PLCG2: variants seen among roughly 807,000 people sequenced by gnomAD.
PLCG2 encodes the protein phospholipase C gamma 2, also known as 1-phosphatidylinositol 4,5-bisphosphate phosphodiesterase gamma-2.
PLCG2 carries 69 observed loss-of-function variants against 175.6 expected under a neutral mutation model. The ratio of observed to expected loss-of-function variants is 0.39; its 90% CI spans 0.32 to 0.48. PLCG2 has a LOEUF of 0.48. PLCG2 is among the 20% of genes least tolerant of loss of function. The pLI, the probability that PLCG2 is intolerant of heterozygous loss-of-function variation, is 0.91. For missense variants in PLCG2, 1,798 were observed against 1,650.9 expected, an observed-to-expected ratio of 1.09 and a Z score of -1.54; for synonymous variants, 827 against 624.0, an observed-to-expected ratio of 1.33 and a Z score of -4.85.
At chr16:81,812,014 C>A (rs1279060385) in intron 2 of PLCG2, among the ~76,000 whole-genome samples, 1 of 150,714 alleles carries the variant, frequency 6.6e-6, no homozygotes, top group Non-Finnish European at 1.5e-5. Context: ...TATTTCTCTA[C>A]ATCCTCTCCA....
intron 2 of PLCG2, among the ~76,000 whole-genome samples, chr16:81,850,307 A>G (rs72832071): frequency 0.032 from 4,857 of 152,300 alleles, 96 homozygotes; most frequent in African/African-American, 0.048. Context: ...TTGGGGTGCA[A>G]CATCATGAAG....
chr16:81,795,214 G>T (rs147245934), intron 2 of PLCG2, among the ~76,000 whole-genome samples: 1,897 of 152,290 alleles, frequency 0.012, 15 homozygotes, highest in Non-Finnish European at 0.018. Flanking sequence ...AATCATGTTG[G>T]ATCGTGATAG....
intron 23 of PLCG2, 62 bp downstream of exon 23, chr16:81,927,240 G>A: frequency 8.8e-7 from 1 of 1,135,354 alleles, no homozygotes; most frequent in Admixed American, 1.7e-5. Flanking sequence ...GTTTTTCAGG[G>A]AGCTGTGCCA....
chr16:81,829,033 CA>C (rs1222661631), intron 2 of PLCG2, among the ~76,000 whole-genome samples: 1 of 152,194 alleles, frequency 6.6e-6, no homozygotes, highest in Admixed American at 6.5e-5. Flanking sequence ...TTAATGATGA[CA>C]AGGACTGCCC....
At chr16:81,902,696 C>T (rs1258758811) in intron 14 of PLCG2, among the ~76,000 whole-genome samples, 1 of 152,076 alleles carries the variant, frequency 6.6e-6, no homozygotes, top group African/African-American at 2.4e-5. Flanking sequence ...CCCTCATGAC[C>T]TAATCACCTT....
intron 2 of PLCG2, among the ~76,000 whole-genome samples, chr16:81,846,610 C>T (rs193171238): frequency 1.1e-3 from 160 of 152,308 alleles, no homozygotes; most frequent in African/African-American, 3.6e-3. Context: ...AGCAGAACAT[C>T]GGGCTTATGG....
At chr16:81,954,009 T>C (rs1911468377) in intron 31 of PLCG2, among the ~76,000 whole-genome samples, 1 of 152,184 alleles carries the variant, frequency 6.6e-6, no homozygotes. Context: ...GTATTAAGAC[T>C]TAAATGGGGT....
intron 14 of PLCG2, among the ~76,000 whole-genome samples, chr16:81,904,838 G>A (rs1285942768): frequency 6.6e-6 from 1 of 152,154 alleles, no homozygotes; most frequent in Non-Finnish European, 1.5e-5. Context: ...AATAAAGCAG[G>A]CTTGGGGCTA....
intron 1 of PLCG2, among the ~76,000 whole-genome samples, chr16:81,746,634 A>G (rs1909713138): frequency 1.3e-5 from 2 of 152,202 alleles, no homozygotes; most frequent in South Asian, 4.1e-4. Flanking sequence ...AGAGCAATAT[A>G]CACTTCTGTG....
chr16:81,779,047 G>T (rs919245717), upstream of PLCG2, among the ~76,000 whole-genome samples: 3 of 152,172 alleles, frequency 2.0e-5, no homozygotes, highest in Non-Finnish European at 4.4e-5. Flanking sequence ...CTTTGCACCT[G>T]GCCAAGTGGC....
rs551015090 is a variant in PLCG2 at position 81,899,287 on chromosome 16, T to C, written c.1194-1325T>C. Among the ~76,000 whole-genome samples the C allele has an allele frequency of 4.6e-3, 652 of 142,370 alleles. 7 individuals are homozygous for C. Among genetic ancestry groups the C allele is most frequent in the African/African-American group, 0.019 (622 of 33,560 alleles). The allele number at this position is 142,370 out of a possible 152,430, so 93.4% of individuals were successfully genotyped here. A position where few individuals can be genotyped will look rare whatever the true frequency, so the allele number is the denominator to read the frequency against. ...GTATGTGTGTATATATATATATATATATACACACACACACACATAAATATA... is the reference window on the plus strand; with the variant it reads ...GTATGTGTGTATATATATATATATACATACACACACACACACATAAATATA... On this transcript the variant is annotated intron_variant, in intron 13 of 32. Coordinates refer to ENST00000564138, the MANE Select transcript of PLCG2 (RefSeq NM_002661.5).
At chr16:81,842,008 C>A (rs903353834) in intron 2 of PLCG2, among the ~76,000 whole-genome samples, 7 of 152,218 alleles carry the variant, frequency 4.6e-5, no homozygotes, top group Admixed American at 3.3e-4. Flanking sequence ...CCTCCTGGGG[C>A]CACGTGATTT....
chr16:81,818,822 T>C (rs1466266941), intron 2 of PLCG2, among the ~76,000 whole-genome samples: 1 of 150,788 alleles, frequency 6.6e-6, no homozygotes, highest in Non-Finnish European at 1.5e-5. Context: ...GAACTGGTAT[T>C]TAGGTAGAAT....
intron 7 of PLCG2, among the ~76,000 whole-genome samples, chr16:81,876,542 G>GTAAC (rs1262185691): frequency 2.6e-5 from 4 of 152,162 alleles, no homozygotes; most frequent in Non-Finnish European, 4.4e-5. Context: ...TGTCCAGCTG[G>GTAAC]TAACTTCTCC....
In PLCG2 at chr16:81,891,493, C is replaced by G; in HGVS notation, c.889C>G (p.Arg297Gly). 2 of 1,605,428 alleles carry G rather than the reference C, an allele frequency of 1.2e-6. No homozygotes were observed. The highest frequency in any genetic ancestry group is 1.1e-5 in the South Asian group (1 of 90,900). The part of the protein sequence containing the change: ...VDEFLTYLFS[R>G]ENSIWDEKYD... ...TTAGTTCCTCACGTACCTGTTTTCACGAGAAAACAGCATCTGGGATGAGAA... is the reference window on the plus strand; with the variant it reads ...TTAGTTCCTCACGTACCTGTTTTCAGGAGAAAACAGCATCTGGGATGAGAA... The change falls in exon 11 of 33, where the codon CGA becomes GGA. Residue 297 changes from arginine to glycine, a missense_variant. Physicochemically the swap from Arg to Gly is moderately radical, Grantham distance 125. Transcript: ENST00000564138.
chr16:81,777,354 C>G (rs144240099), upstream of PLCG2, among the ~76,000 whole-genome samples: 318 of 145,828 alleles, frequency 2.2e-3, 2 homozygotes, highest in African/African-American at 7.9e-3. Flanking sequence ...TATGACTGAA[C>G]TAATATATTA....
At chr16:81,813,441 T>C (rs1355811708) in intron 2 of PLCG2, among the ~76,000 whole-genome samples, 2 of 152,232 alleles carry the variant, frequency 1.3e-5, no homozygotes, top group Non-Finnish European at 2.9e-5. Flanking sequence ...CAATTGTGAA[T>C]GGGAGTTCAC....
chr16:81,788,103 C>G (rs889621793), intron 2 of PLCG2, among the ~76,000 whole-genome samples: 1 of 152,130 alleles, frequency 6.6e-6, no homozygotes, highest in African/African-American at 2.4e-5. Flanking sequence ...ATTGCTGGGT[C>G]ATACACTAAC....
chr16:81,810,644 C>A (rs36034802), intron 2 of PLCG2, among the ~76,000 whole-genome samples: 5 of 18,014 alleles, frequency 2.8e-4, no homozygotes, highest in African/African-American at 4.7e-4. Flanking sequence ...CAATTTCTTT[C>A]TTTTTATTTT....
Sources: allele counts gnomAD v4.1 joint callset (sites outside exome capture counted in the v4.1 genomes callset), GRCh38; gene constraint gnomAD v4.1.1; transcripts MANE v1.5; gene names NCBI Gene and HGNC (gene_info 2026-07-23, HGNC 2026-07-21).